Variants in CPB1 observed in about 807,000 individuals in gnomAD.
The protein encoded by CPB1 is carboxypeptidase B1.
CPB1 carries 53 observed loss-of-function variants against 51.4 expected under a neutral mutation model. That is an observed-to-expected ratio of 1.03 (90% CI 0.83 to 1.30). CPB1 has a LOEUF of 1.30. CPB1 is among the 50% of genes most tolerant of loss of function. The pLI is 0.00. For synonymous variants in CPB1, 189 were observed against 186.9 expected, an observed-to-expected ratio of 1.01 and a Z score of -0.09; for missense variants, 494 against 516.2, an observed-to-expected ratio of 0.96 and a Z score of 0.42.
intron 6 of CPB1, 97 bp downstream of exon 6, chr3:148,842,021 T>A: frequency 3.1e-6 from 3 of 953,876 alleles, no homozygotes; most frequent in Non-Finnish European, 4.8e-6. Context: ...CAGAAAAAAA[T>A]ACACAATTAC....
chr3:148,846,455 A>AC, intron 9 of CPB1, among the ~76,000 whole-genome samples: 1 of 151,978 alleles, frequency 6.6e-6, no homozygotes, highest in East Asian at 1.9e-4. Flanking sequence ...CAAAAAAAAA[A>AC]ATGTATTCCA....
rs1390943219 is a variant in CPB1, at chr3:148,840,957, C to T, written c.456C>T (p.Arg152=). ...RSVIGTTFEG[R]AIYLLKVGKA... is the part of the protein sequence containing the mutation. The stretch of plus-strand genomic sequence containing the variant: ...TTATCGGAACCACATTTGAGGGACG[C>T]GCTATTTACCTCCTGAAGGTAATCA... The change falls in exon 5 of 11, where the codon CGC becomes CGT. Residue 152 remains arginine, a synonymous_variant. Transcript: ENST00000282957. 1.4e-5 allele frequency: 22 copies of T among 1,613,770 alleles called. No individual in the cohort carries two copies. The highest frequency in any genetic ancestry group is 2.2e-5 in the East Asian group (1 of 44,882).
chr3:148,846,803 A>G (rs745743861), intron 9 of CPB1, among the ~76,000 whole-genome samples: 7,991 of 36,538 alleles, frequency 0.22, 860 homozygotes, highest in East Asian at 0.26. Flanking sequence ...GTGTGTATAT[A>G]TATATATATA....
intron 9 of CPB1, among the ~76,000 whole-genome samples, chr3:148,846,900 A>G (rs922504720): frequency 7.3e-6 from 1 of 136,722 alleles, no homozygotes; most frequent in East Asian, 2.2e-4. Flanking sequence ...TGTGTTCCCA[A>G]TGGGTGCTCA....
chr3:148,854,380 A>T (rs1431420508), intron 9 of CPB1: 1 of 152,232 alleles, frequency 6.6e-6, no homozygotes, highest in African/African-American at 2.4e-5. Context: ...TGGAATTTAA[A>T]ATATGATATT....
chr3:148,860,166 G>T lies in CPB1; in HGVS notation c.*164G>T. ...TCTTTTCGTATTGATCATAATAAAA[G>T]TGAATCATTACTATTGGAAAACTTG... On this transcript the variant is annotated 3_prime_UTR_variant, in exon 11 of 11. Coordinates refer to ENST00000282957, the MANE Select transcript of CPB1 (RefSeq NM_001871.3). The T allele has an allele frequency of 1.6e-6, 1 of 645,014 alleles. No homozygotes were observed. Among genetic ancestry groups the T allele is most frequent in the East Asian group, 2.8e-5 (1 of 35,956 alleles). The allele number at this position is 645,014 out of a possible 1,614,324, so 40.0% of individuals were successfully genotyped here.
At chr3:148,846,799 A>ATGTG (rs1482845118) in intron 9 of CPB1, among the ~76,000 whole-genome samples, 2 of 28,154 alleles carry the variant, frequency 7.1e-5, no homozygotes, top group African/African-American at 1.3e-4. Context: ...GTGCGTGTGT[A>ATGTG]TATATATATA....
Position 148,833,877 on chromosome 3 carries a change from T to C in CPB1, c.148-621T>C, listed in dbSNP as rs116834742. Among the ~76,000 whole-genome samples the C allele has an allele frequency of 1.5e-3, 232 of 152,254 alleles. 2 individuals are homozygous for C. Among genetic ancestry groups the C allele is most frequent in the Non-Finnish European group, 6.3e-4 (43 of 68,014 alleles). ...CCTAGCATATCGTAGGTTCTCACAA[T>C]AGTTGATGAGTAACTGAATAAATGA... On this transcript the variant is annotated intron_variant, in intron 2 of 10. Coordinates refer to ENST00000282957, the MANE Select transcript of CPB1 (RefSeq NM_001871.3).
At chr3:148,851,334 C>CAAAAAAA (rs59423779) in intron 9 of CPB1, 11 of 82,072 alleles carry the variant, frequency 1.3e-4, no homozygotes, top group African/African-American at 3.7e-4. Context: ...GACCCTGTCT[C>CAAAAAAA]AAAAAAAAAA....
chr3:148,846,797 G>GTGTATGTATATATATATA (rs1364486523), intron 9 of CPB1, among the ~76,000 whole-genome samples: 5 of 50,536 alleles, frequency 9.9e-5, no homozygotes, highest in African/African-American at 1.7e-4. Flanking sequence ...GTGTGCGTGT[G>GTGTATGTATATATATATA]TATATATATA....
intron 3 of CPB1, among the ~76,000 whole-genome samples, chr3:148,836,652 G>A (rs932282787): frequency 1.3e-5 from 2 of 152,114 alleles, no homozygotes; most frequent in African/African-American, 4.8e-5. Context: ...CATCCCCTGA[G>A]GGCTAAGAGC....
chr3:148,845,019 A>AT (rs1713192314), intron 8 of CPB1, among the ~76,000 whole-genome samples: 1 of 152,120 alleles, frequency 6.6e-6, no homozygotes, highest in South Asian at 2.1e-4. Context: ...CCTACTACTC[A>AT]TGGAATGTAT....
At chr3:148,827,916 A>G in intron 1 of CPB1, 22 bp downstream of exon 1, 2 of 1,613,810 alleles carry the variant, frequency 1.2e-6, no homozygotes, top group Non-Finnish European at 1.7e-6. Flanking sequence ...ATCTTTAAGG[A>G]GCAAGTCCTT....
chr3:148,840,791 A>G lies in CPB1; in HGVS notation c.372+6A>G. The G allele has an allele frequency of 6.2e-7, 1 of 1,613,922 alleles. No individual in the cohort carries two copies. Among genetic ancestry groups the G allele is most frequent in the African/African-American group, 1.3e-5 (1 of 75,052 alleles). On this transcript the variant is annotated splice_donor_region_variant and intron_variant, in intron 4 of 10. Transcript: ENST00000282957. ...AGTACAACAAGTGGGAAACGGTATG[A>G]TGTGCACATGATTTAGACAGATATT...
At chr3:148,846,798 T>TGTGTGTGTGTGC (rs1491342538) in intron 9 of CPB1, among the ~76,000 whole-genome samples, 1 of 16,614 alleles carries the variant, frequency 6.0e-5, no homozygotes, top group East Asian at 1.1e-3. Flanking sequence ...TGTGCGTGTG[T>TGTGTGTGTGTGC]ATATATATAT....
chr3:148,830,233 A>G (rs1445990333), intron 2 of CPB1, among the ~76,000 whole-genome samples: 1 of 151,880 alleles, frequency 6.6e-6, no homozygotes, highest in Non-Finnish European at 1.5e-5. Flanking sequence ...TGCCCCCTCT[A>G]CTCGCCAGTG....
At chr3:148,849,880 G>T (rs1713372979) in intron 9 of CPB1, among the ~76,000 whole-genome samples, 1 of 152,238 alleles carries the variant, frequency 6.6e-6, no homozygotes, top group Admixed American at 6.5e-5. Flanking sequence ...GGCTCCTGAG[G>T]AATCTTCTAG....
At chr3:148,857,854 G>A (rs1713629646) in intron 10 of CPB1, among the ~76,000 whole-genome samples, 1 of 151,980 alleles carries the variant, frequency 6.6e-6, no homozygotes, top group South Asian at 2.1e-4. Context: ...AGCTATAATT[G>A]CACCATTGCA....
rs755855538 is a variant in CPB1, at chr3:148,828,023, C to T, written c.93C>T (p.Asn31=). 26 of 1,613,938 alleles carry T rather than the reference C, an allele frequency of 1.6e-5. No homozygotes were observed. Among genetic ancestry groups the T allele is most frequent in the Middle Eastern group, 1.6e-4 (1 of 6,084 alleles). ...TCAGCGAGAAGGTGTTCCGTGTTAA[C>T]GTTGAAGATGAAAATCACATTAACA... ...HFEGEKVFRV[N]VEDENHINII... is the part of the protein sequence containing the mutation. Residue 31 remains asparagine (N), a synonymous_variant, in exon 2 of 11, where the codon AAC becomes AAT. Transcript: ENST00000282957.
Sources: allele counts gnomAD v4.1 joint callset (sites outside exome capture counted in the v4.1 genomes callset), GRCh38; gene constraint gnomAD v4.1.1; transcripts MANE v1.5; gene names NCBI Gene and HGNC (gene_info 2026-07-23, HGNC 2026-07-21).